DENND3: variants seen among roughly 807,000 people sequenced by gnomAD.
DENND3 encodes DENN domain containing 3, also known as DENN domain-containing protein 3.
A neutral mutation model predicts 135.1 loss-of-function variants in DENND3; 88 were observed. The observed-to-expected ratio is 0.65, with a 90% CI of 0.55 to 0.78. DENND3 has a LOEUF of 0.78. Among genes scored for constraint, DENND3 ranks in the 30% least tolerant of loss-of-function variants. The probability of loss-of-function intolerance (pLI) is 0.00; values close to 1 mark genes in which losing one functional copy is unlikely to be tolerated. For missense variants in DENND3, 1,392 were observed against 1,688.4 expected, an observed-to-expected ratio of 0.82 and a Z score of 3.08; for synonymous variants, 693 against 712.3, an observed-to-expected ratio of 0.97 and a Z score of 0.43.
chr8:141,159,376 T>C (rs372585768), intron 8 of DENND3, among the ~76,000 whole-genome samples: 2 of 152,190 alleles, frequency 1.3e-5, no homozygotes, highest in Non-Finnish European at 2.9e-5. Flanking sequence ...CCCCCTACCA[T>C]GCTGGGCCGC....
chr8:141,153,913 G>C (rs1569555764), intron 7 of DENND3, among the ~76,000 whole-genome samples: 1 of 152,200 alleles, frequency 6.6e-6, no homozygotes, highest in Non-Finnish European at 1.5e-5. Flanking sequence ...GATTTCAGGA[G>C]AGGCAGCTGC....
chr8:141,153,809 G>T (rs774669410), intron 7 of DENND3, among the ~76,000 whole-genome samples: 1 of 152,212 alleles, frequency 6.6e-6, no homozygotes, highest in Non-Finnish European at 1.5e-5. Context: ...TTGTGTTTCA[G>T]GCTCTTTTAG....
intron 4 of DENND3, chr8:141,143,766 C>T (rs1817737094): frequency 6.0e-6 from 1 of 166,686 alleles, no homozygotes; most frequent in Admixed American, 6.3e-5. Flanking sequence ...TGGAGACAGA[C>T]TTTCTCAAGC....
At chr8:141,150,691 C>A in intron 5 of DENND3, 143 bp from the exon 6 acceptor site, 1 of 1,066,990 alleles carries the variant, frequency 9.4e-7, no homozygotes, top group Non-Finnish European at 1.3e-6. Flanking sequence ...TTTGGTTATT[C>A]TGCAGAATTT....
rs535457400 is a variant in DENND3, at chr8:141,171,331, C to CA, written c.2275+2810dup. 8.5e-5 allele frequency among the ~76,000 whole-genome samples: 13 copies of CA among 152,274 alleles called. No individual in the cohort carries two copies. The South Asian group carries it at 2.7e-3, about 32-fold the overall frequency. On this transcript the variant is annotated intron_variant, in intron 13 of 22. Transcript: ENST00000519811. The stretch of plus-strand genomic sequence containing the variant: ...ATTTCATCATTACATACTTTAATGG[C>CA]AAAATATGCTATTAACAGTGCAAGG...
chr8:141,132,453 G>T (rs1456259840), intron 1 of DENND3, among the ~76,000 whole-genome samples: 2 of 152,068 alleles, frequency 1.3e-5, no homozygotes, highest in African/African-American at 2.4e-5. Flanking sequence ...TGCCTCCCAG[G>T]TTCAAGCGAT....
chr8:141,146,857 C>T lies in DENND3; in HGVS notation c.735+2598C>T, dbSNP rs1011591154. Among the ~76,000 whole-genome samples the T allele has an allele frequency of 2.0e-5, 3 of 152,162 alleles. No homozygotes were observed. Among genetic ancestry groups the T allele is most frequent in the Non-Finnish European group, 4.4e-5 (3 of 68,038 alleles). On this transcript the variant is annotated intron_variant, in intron 5 of 22. Coordinates refer to ENST00000519811, the MANE Select transcript of DENND3 (RefSeq NM_001352890.3). This position sits in a 1 kb window ranked among gnomAD's most constrained non-coding sequence, Gnocchi z 4.3. ...TCAACAGTATGTGCAGTGAAATCAT[C>T]AAAGTTTATGTTCTTGTTCTGTAAA...
intron 17 of DENND3, 124 bp from the exon 18 acceptor site, chr8:141,185,015 A>C (rs2154613471): frequency 7.8e-7 from 1 of 1,289,234 alleles, no homozygotes; most frequent in Non-Finnish European, 1.1e-6. Flanking sequence ...CTTTGTACGT[A>C]CAGCACCTAA....
intron 19 of DENND3, among the ~76,000 whole-genome samples, 172 bp downstream of exon 19, chr8:141,189,318 G>A (rs975519250): frequency 2.0e-5 from 3 of 152,236 alleles, no homozygotes; most frequent in East Asian, 1.9e-4. Flanking sequence ...TTCTGCTCAC[G>A]GGTGCGGAGA....
At chr8:141,133,604 G>A (rs1361477931) in intron 1 of DENND3, among the ~76,000 whole-genome samples, 1 of 152,176 alleles carries the variant, frequency 6.6e-6, no homozygotes, top group Non-Finnish European at 1.5e-5. Flanking sequence ...TGGAGCCACG[G>A]GTCTTGCAGG....
chr8:141,157,262 G>A (rs1819554056), intron 8 of DENND3: 1 of 980,684 alleles, frequency 1.0e-6, no homozygotes, highest in Non-Finnish European at 1.2e-6. Flanking sequence ...ACTTTGGTCA[G>A]GGGAGGGTGA....
rs546195736 is a variant in DENND3 at position 141,128,597 on chromosome 8, C to A, written c.-111C>A. 2.6e-5 allele frequency: 13 copies of A among 502,422 alleles called. No homozygotes were observed. Among genetic ancestry groups the A allele is most frequent in the Admixed American group, 2.1e-4 (4 of 18,754 alleles). The allele number at this position is 502,422 out of a possible 1,614,324, so 31.1% of individuals were successfully genotyped here. A position where few individuals can be genotyped will look rare whatever the true frequency, so the allele number is the denominator to read the frequency against. ...GCCTCCAGCCCCGCCCCGCAGACGGCGCTCGCAGCGCCCCCGGCCCCCAGG... is the reference window on the plus strand; with the variant it reads ...GCCTCCAGCCCCGCCCCGCAGACGGAGCTCGCAGCGCCCCCGGCCCCCAGG... On this transcript the variant is annotated 5_prime_UTR_variant, in exon 1 of 23. Coordinates refer to ENST00000519811, the MANE Select transcript of DENND3 (RefSeq NM_001352890.3). The surrounding 1 kb of genome is among the most constrained non-coding windows in gnomAD (Gnocchi z 4.5).
At position 141,128,598 on chromosome 8, in the gene DENND3, G is replaced by C. The variant is rs1340151675; in HGVS notation, c.-110G>C. ...CCTCCAGCCCCGCCCCGCAGACGGC[G>C]CTCGCAGCGCCCCCGGCCCCCAGGC... On this transcript the variant is annotated 5_prime_UTR_variant, in exon 1 of 23. Transcript: ENST00000519811. This position sits in a 1 kb window ranked among gnomAD's most constrained non-coding sequence, Gnocchi z 4.5. The C allele has an allele frequency of 5.8e-6, 3 of 518,358 alleles. No homozygotes were observed. The highest frequency in any genetic ancestry group is 8.0e-6 in the Non-Finnish European group (3 of 374,194). 32.1% of individuals were successfully genotyped at this position (518,358 alleles called of 1,614,324 possible).
At chr8:141,183,809 G>A (rs1014843998) in intron 17 of DENND3, among the ~76,000 whole-genome samples, 1 of 150,568 alleles carries the variant, frequency 6.6e-6, no homozygotes, top group African/African-American at 2.5e-5. Context: ...CCAGGGCAAC[G>A]CTCACTCTAG....
intron 8 of DENND3, 102 bp downstream of exon 8, chr8:141,156,072 T>C: frequency 1.4e-6 from 2 of 1,397,902 alleles, no homozygotes; most frequent in Non-Finnish European, 1.9e-6. Flanking sequence ...CTGATAGATG[T>C]TTTATATATT....
At position 141,141,257 on chromosome 8, in the gene DENND3, G is replaced by A. The variant is rs1387720665; in HGVS notation, c.556G>A (p.Val186Met). The stretch of plus-strand genomic sequence containing the variant: ...GCACCGGGAGTGTCCTGGCTGCTTC[G>A]TGCCCTTCGCGGTGTGCGTGGTCTC... Reference protein sequence around the residue: ...KTHRECPGCFVPFAVCVVSRF... With the variant: ...KTHRECPGCFMPFAVCVVSRF... The change falls in exon 4 of 23, where the codon GTG (valine) becomes ATG (methionine). Residue 186 changes from valine to methionine, a missense_variant. Physicochemically the swap from Val to Met is conservative, Grantham distance 21. Coordinates refer to ENST00000519811, the MANE Select transcript of DENND3 (RefSeq NM_001352890.3). The surrounding 1 kb of genome is among the most constrained non-coding windows in gnomAD (Gnocchi z 5.3). 17 of 1,614,180 alleles carry A rather than the reference G, an allele frequency of 1.1e-5. No individual in the cohort carries two copies. The highest frequency in any genetic ancestry group is 8.9e-5 in the East Asian group (4 of 44,882).
At chr8:141,133,325 G>A (rs1306946201) in intron 1 of DENND3, among the ~76,000 whole-genome samples, 1 of 152,152 alleles carries the variant, frequency 6.6e-6, no homozygotes, top group East Asian at 1.9e-4. Flanking sequence ...CCTGACTCAT[G>A]CCCACGTATG....
intron 4 of DENND3, chr8:141,142,663 G>C (rs918010260): frequency 2.2e-5 from 6 of 268,576 alleles, no homozygotes; most frequent in African/African-American, 9.4e-5. Context: ...CATGTTTGTT[G>C]ACTGTCTGTC....
Position 141,190,267 on chromosome 8 carries a change from G to T in DENND3, c.3246-17G>T. 1.3e-6 allele frequency: 2 copies of T among 1,573,396 alleles called. No individual in the cohort carries two copies. The highest frequency in any genetic ancestry group is 1.7e-6 in the Non-Finnish European group (2 of 1,157,474). On this transcript the variant is annotated splice_polypyrimidine_tract_variant and intron_variant, in intron 19 of 22. Coordinates refer to ENST00000519811, the MANE Select transcript of DENND3 (RefSeq NM_001352890.3). ...GGGCCCAAGTTAAAGGTGTGTGTGT[G>T]TGTTTTGTGCCCCCAGCAACGTGTA...
Sources: allele counts gnomAD v4.1 joint callset (sites outside exome capture counted in the v4.1 genomes callset), GRCh38; gene constraint gnomAD v4.1.1; non-coding constraint Gnocchi (gnomAD v3.1); transcripts MANE v1.5; gene names NCBI Gene and HGNC (gene_info 2026-07-23, HGNC 2026-07-21).